The following TTC3 variants were observed in gnomAD, a reference collection of about 807,000 sequenced individuals.
TTC3 encodes E3 ubiquitin-protein ligase TTC3.
A neutral mutation model predicts 249.6 loss-of-function variants in TTC3; 180 were observed. That is an observed-to-expected ratio of 0.72 (90% CI 0.64 to 0.82). TTC3 has a LOEUF of 0.82. Among genes scored for constraint, TTC3 ranks in the 40% least tolerant of loss-of-function variants. TTC3 has a pLI of 0.00. For missense variants in TTC3, 2,061 were observed against 2,398.4 expected (o/e 0.86, Z 2.94); for synonymous variants, 717 against 805.0 (o/e 0.89, Z 1.85).
At chr21:37,195,613 T>C in intron 41 of TTC3, 62 bp from the exon 42 acceptor site, 1 of 1,529,132 alleles carries the variant, frequency 6.5e-7, no homozygotes, top group South Asian at 1.3e-5. Context: ...GCCTTTGTCC[T>C]TGGGCGTTTC....
At chr21:37,186,788 G>A (rs1243626218) in intron 37 of TTC3, among the ~76,000 whole-genome samples, 1 of 152,178 alleles carries the variant, frequency 6.6e-6, no homozygotes, top group Non-Finnish European at 1.5e-5. Flanking sequence ...TGGTGAACTG[G>A]AACAGTACCC....
chr21:37,099,387 GTGTC>G (rs1302199334), intron 10 of TTC3, among the ~76,000 whole-genome samples: 2 of 152,220 alleles, frequency 1.3e-5, no homozygotes, highest in Non-Finnish European at 2.9e-5. Flanking sequence ...GCCAAGCAAA[GTGTC>G]TGAGGACACT....
intron 10 of TTC3, chr21:37,098,009 C>CTG (rs1300470245): frequency 1.4e-6 from 1 of 702,640 alleles, no homozygotes; most frequent in South Asian, 1.5e-5. Context: ...GAGAATACCG[C>CTG]TGTATTAACG....
intron 36 of TTC3, among the ~76,000 whole-genome samples, chr21:37,184,964 TG>T (rs2083102080): frequency 6.6e-6 from 1 of 152,218 alleles, no homozygotes; most frequent in Non-Finnish European, 1.5e-5. Flanking sequence ...AGCTCATGAT[TG>T]GTACAGTGAC....
At chr21:37,100,689 G>T (rs1316889559) in intron 10 of TTC3, 1 of 152,258 alleles carries the variant, frequency 6.6e-6, no homozygotes, top group Admixed American at 6.5e-5. Context: ...AGGGGTTGGG[G>T]AACTGCGCTG....
chr21:37,201,772 G>C (rs1289345627), exon 46 of TTC3: 3 of 723,518 alleles, frequency 4.1e-6, no homozygotes, highest in Non-Finnish European at 6.5e-6. Context: ...TGCCAACAGT[G>C]GCTAATAAAA....
intron 14 of TTC3, among the ~76,000 whole-genome samples, chr21:37,125,107 C>G (rs1053370366): frequency 6.6e-6 from 1 of 152,094 alleles, no homozygotes. Context: ...GAGTTTATAC[C>G]GAGCATCTCC....
chr21:37,179,319 C>T (rs2082543384), intron 35 of TTC3, among the ~76,000 whole-genome samples: 1 of 152,140 alleles, frequency 6.6e-6, no homozygotes, highest in African/African-American at 2.4e-5. Context: ...TTTCTATATT[C>T]TGGATACAAG....
At chr21:37,113,837 A>C (rs1052004873) in intron 11 of TTC3, among the ~76,000 whole-genome samples, 1 of 152,148 alleles carries the variant, frequency 6.6e-6, no homozygotes, top group Non-Finnish European at 1.5e-5. Flanking sequence ...TACCAAAACA[A>C]AGATATAGAC....
chr21:37,115,692 G>C (rs551452121), intron 11 of TTC3, among the ~76,000 whole-genome samples: 19 of 152,280 alleles, frequency 1.2e-4, no homozygotes, highest in African/African-American at 4.6e-4. Context: ...TTGAACACTT[G>C]TTGTTTCTCC....
At chr21:37,110,221 G>A (rs1398887418) in intron 11 of TTC3, among the ~76,000 whole-genome samples, 6 of 152,230 alleles carry the variant, frequency 3.9e-5, no homozygotes, top group Non-Finnish European at 7.3e-5. Context: ...TGACTTTGAC[G>A]AGTTGAGAGA....
At chr21:37,088,691 A>G in intron 4 of TTC3, 108 bp from the exon 5 acceptor site, 1 of 1,045,418 alleles carries the variant, frequency 9.6e-7, no homozygotes, top group Non-Finnish European at 1.4e-6. Flanking sequence ...AGAGTGAAGA[A>G]AAAGAGAACT....
At chr21:37,149,977 C>A in intron 23 of TTC3, 101 bp from the exon 24 acceptor site, 1 of 803,418 alleles carries the variant, frequency 1.2e-6, no homozygotes. Context: ...GGTTTTAGTC[C>A]GTATTTTGAC....
At chr21:37,083,162 A>G in intron 1 of TTC3, 1 of 985,420 alleles carries the variant, frequency 1.0e-6, no homozygotes, top group Non-Finnish European at 1.2e-6. Flanking sequence ...GCTTCCTGAA[A>G]TTGAGTATTA....
At chr21:37,139,437 T>G (rs970442502) in intron 19 of TTC3, among the ~76,000 whole-genome samples, 1 of 152,158 alleles carries the variant, frequency 6.6e-6, no homozygotes, top group African/African-American at 2.4e-5. Flanking sequence ...TTGAGTTTGC[T>G]ATAAATGTTG....
At chr21:37,179,134 A>G (rs2148137703) in intron 35 of TTC3, among the ~76,000 whole-genome samples, 1 of 152,212 alleles carries the variant, frequency 6.6e-6, no homozygotes, top group East Asian at 1.9e-4. Flanking sequence ...AATTAAATAA[A>G]TAATTAGGTA....
At chr21:37,091,506 T>C in intron 7 of TTC3, 93 bp downstream of exon 7, 1 of 1,154,202 alleles carries the variant, frequency 8.7e-7, no homozygotes, top group East Asian at 3.5e-5. Flanking sequence ...TGATTTATCT[T>C]AGAATTTAAA....
At chr21:37,184,461 C>CT (rs1001119657) in intron 36 of TTC3, among the ~76,000 whole-genome samples, 27 of 146,622 alleles carry the variant, frequency 1.8e-4, no homozygotes, top group East Asian at 7.9e-4. Context: ...AAGTTTTTTG[C>CT]TTTTTTTTTT....
At chr21:37,074,498 T>A (rs1433565501) in intron 1 of TTC3, among the ~76,000 whole-genome samples, 1 of 152,190 alleles carries the variant, frequency 6.6e-6, no homozygotes, top group African/African-American at 2.4e-5. Context: ...TAGGCGTTCT[T>A]GATGATATTT....
Sources: allele counts gnomAD v4.1 joint callset (sites outside exome capture counted in the v4.1 genomes callset), GRCh38; gene constraint gnomAD v4.1.1; transcripts MANE v1.5; gene names NCBI Gene and HGNC (gene_info 2026-07-23, HGNC 2026-07-21).